The following CFAP54 variants were observed in gnomAD, a reference collection of about 807,000 sequenced individuals.
CFAP54 encodes the protein cilia and flagella associated protein 54.
Under a neutral mutation model 370.4 loss-of-function variants are expected in CFAP54, and 290 were observed. The ratio of observed to expected loss-of-function variants is 0.78; its 90% CI spans 0.71 to 0.86. The LOEUF is 0.86. CFAP54 is among the 40% of genes least tolerant of loss of function. The pLI is 0.00. For synonymous variants in CFAP54, 1,206 were observed against 1,236.5 expected (o/e 0.98, Z 0.52); for missense variants, 3,399 against 3,528.7 (o/e 0.96, Z 0.93).
At chr12:96,802,278 G>A (rs1230802477) in intron 63 of CFAP54, among the ~76,000 whole-genome samples, 1 of 152,028 alleles carries the variant, frequency 6.6e-6, no homozygotes, top group Non-Finnish European at 1.5e-5. Flanking sequence ...TTCCTGAGGG[G>A]GACACCACCC....
chr12:96,722,006 C>T (rs1323093295), intron 50 of CFAP54, among the ~76,000 whole-genome samples: 2 of 152,136 alleles, frequency 1.3e-5, no homozygotes, highest in Non-Finnish European at 2.9e-5. Flanking sequence ...GACCACTGTC[C>T]TTCTCTTTCT....
chr12:96,816,151 G>A (rs2136733607), intron 64 of CFAP54, among the ~76,000 whole-genome samples: 1 of 152,198 alleles, frequency 6.6e-6, no homozygotes, highest in Non-Finnish European at 1.5e-5. Flanking sequence ...AATTACTTTG[G>A]GCAGTATGGC....
At chr12:96,586,936 G>T (rs1400726164) in intron 22 of CFAP54, among the ~76,000 whole-genome samples, 1 of 152,180 alleles carries the variant, frequency 6.6e-6, no homozygotes, top group African/African-American at 2.4e-5. Context: ...TGGCCAGTGT[G>T]CTGGTAGCTG....
intron 22 of CFAP54, among the ~76,000 whole-genome samples, chr12:96,586,030 G>A (rs1301477688): frequency 6.6e-6 from 1 of 152,110 alleles, no homozygotes; most frequent in Non-Finnish European, 1.5e-5. Flanking sequence ...TTCTCTGTGG[G>A]TAGAGGGATA....
intron 26 of CFAP54, among the ~76,000 whole-genome samples, chr12:96,617,998 A>AAAAAAAAAAAT (rs1956441183): frequency 6.6e-6 from 1 of 151,316 alleles, no homozygotes; most frequent in African/African-American, 2.4e-5. Context: ...TCAAAAAAAA[A>AAAAAAAAAAAT]AGGAATATAT....
intron 53 of CFAP54, 54 bp from the exon 54 acceptor site, chr12:96,743,675 CTT>C (rs1485902463): frequency 3.7e-5 from 58 of 1,551,802 alleles, no homozygotes; most frequent in Non-Finnish European, 4.8e-5. Context: ...ATGTCCAGCT[CTT>C]GTTTCAGTGA....
At chr12:96,649,853 T>G in intron 34 of CFAP54, 38 bp from the exon 35 acceptor site, 1 of 1,400,904 alleles carries the variant, frequency 7.1e-7, no homozygotes, top group Non-Finnish European at 9.8e-7. Context: ...CTTAATTCTA[T>G]GTTTTTAATC....
chr12:96,752,537 C>T (rs926120084), intron 55 of CFAP54, among the ~76,000 whole-genome samples: 1 of 152,130 alleles, frequency 6.6e-6, no homozygotes, highest in South Asian at 2.1e-4. Context: ...GTTCAATTAT[C>T]CAATCAATTA....
intron 34 of CFAP54, among the ~76,000 whole-genome samples, chr12:96,649,073 T>C (rs887501481): frequency 2.0e-5 from 3 of 152,184 alleles, no homozygotes; most frequent in African/African-American, 7.2e-5. Context: ...TATAGACTTT[T>C]AGTAATGACA....
At chr12:96,806,213 TAA>T (rs1555335350) in intron 63 of CFAP54, among the ~76,000 whole-genome samples, 19 of 49,698 alleles carry the variant, frequency 3.8e-4, no homozygotes, top group African/African-American at 1.4e-3. Flanking sequence ...TATATATATA[TAA>T]TAACAACATA....
intron 24 of CFAP54, 96 bp downstream of exon 24, chr12:96,592,733 C>A: frequency 2.5e-6 from 1 of 400,968 alleles, no homozygotes; most frequent in Non-Finnish European, 4.4e-6. Flanking sequence ...CATAGCTTGT[C>A]TGGTGAATGG....
At chr12:96,730,006 A>T (rs1555309705) in intron 50 of CFAP54, among the ~76,000 whole-genome samples, 1 of 152,202 alleles carries the variant, frequency 6.6e-6, no homozygotes, top group Non-Finnish European at 1.5e-5. Context: ...CACACAGTCG[A>T]GTAGGAGCCC....
chr12:96,492,858 G>T (rs1378677283), intron 1 of CFAP54, among the ~76,000 whole-genome samples: 1 of 152,096 alleles, frequency 6.6e-6, no homozygotes, highest in Non-Finnish European at 1.5e-5. Context: ...GCCGGGCGTG[G>T]TGGTGTGTGC....
chr12:96,870,611 T>C (rs1960133472), intron 67 of CFAP54, among the ~76,000 whole-genome samples: 1 of 152,246 alleles, frequency 6.6e-6, no homozygotes, highest in South Asian at 2.1e-4. Context: ...TCTTATATTA[T>C]TACATACATC....
chr12:96,703,571 C>T (rs1270677834), intron 46 of CFAP54, among the ~76,000 whole-genome samples: 3 of 151,834 alleles, frequency 2.0e-5, no homozygotes, highest in Non-Finnish European at 2.9e-5. Context: ...GAGATGCATC[C>T]TACTAGATAC....
Position 96,765,146 on chromosome 12 carries a change from C to T in CFAP54, c.8209C>T (p.Gln2737Ter). The change falls in exon 60 of 68, where the codon CAA (glutamine) becomes TAA (stop). Residue 2737 changes from glutamine (Q) to a stop codon, truncating the protein, a stop_gained. Transcript: ENST00000524981. LOFTEE classifies it high-confidence loss of function. ...GAATACTAGAATGCATAAAGTTAAC[C>T]AAGTGGCATTACCAAATATCCCAGA... ...KKNTRMHKVNQVALPNIPEFA... is the reference protein window; with the variant it reads ...KKNTRMHKVN The T allele has an allele frequency of 6.5e-7, 1 of 1,542,730 alleles. No individual in the cohort carries two copies. The highest frequency in any genetic ancestry group is 8.8e-7 in the Non-Finnish European group (1 of 1,131,684).
chr12:96,661,065 T>C (rs927087328), intron 38 of CFAP54, among the ~76,000 whole-genome samples: 3 of 129,656 alleles, frequency 2.3e-5, no homozygotes, highest in Non-Finnish European at 5.2e-5. Flanking sequence ...ACCCAGTCCT[T>C]TGGGGTTTTT....
chr12:96,558,711 A>G (rs1165877609), intron 17 of CFAP54, among the ~76,000 whole-genome samples: 5 of 152,270 alleles, frequency 3.3e-5, no homozygotes, highest in South Asian at 2.1e-4. Context: ...CTCTCTCACC[A>G]TATATAAAAA....
chr12:96,651,245 G>A (rs909527375), intron 35 of CFAP54, among the ~76,000 whole-genome samples: 7 of 152,044 alleles, frequency 4.6e-5, no homozygotes, highest in African/African-American at 7.3e-5. Context: ...TCCGTCTCCC[G>A]AAATGAACGT....
Sources: gnomAD v4.1 joint callset for allele counts (sites outside exome capture counted in the v4.1 genomes callset) on GRCh38, gnomAD v4.1.1 for gene constraint, MANE v1.5 for transcripts, NCBI Gene and HGNC (gene_info 2026-07-23, HGNC 2026-07-21) for gene names.